Variants in TCF7L2 observed in about 807,000 individuals in gnomAD.
The protein encoded by TCF7L2 is transcription factor 7-like 2.
A neutral mutation model predicts 77.9 loss-of-function variants in TCF7L2; 23 were observed. The observed-to-expected ratio is 0.30, with a 90% confidence interval of 0.21 to 0.42. The LOEUF is 0.42. Ranked by LOEUF, TCF7L2 falls within the 10% of genes least tolerant of loss-of-function variation. The pLI is 1.00. For missense variants in TCF7L2, 654 were observed against 793.1 expected, an observed-to-expected ratio of 0.82 and a Z score of 2.11; for synonymous variants, 413 against 340.2, an observed-to-expected ratio of 1.21 and a Z score of -2.36.
intron 3 of TCF7L2, among the ~76,000 whole-genome samples, chr10:112,962,061 G>A (rs2035403865): frequency 6.6e-6 from 1 of 152,128 alleles, no homozygotes; most frequent in South Asian, 2.1e-4. Flanking sequence ...ATGAAGGCAA[G>A]GATTAAGAAC....
At chr10:113,165,499 C>A (rs2137640101) in intron 13 of TCF7L2, 56 bp from the exon 15 acceptor site, 1 of 1,582,250 alleles carries the variant, frequency 6.3e-7, no homozygotes, top group Non-Finnish European at 8.6e-7. Flanking sequence ...TTAGGTAACT[C>A]TCTCCCTTGG....
chr10:113,045,339 G>A (rs2053246570), intron 5 of TCF7L2, among the ~76,000 whole-genome samples: 2 of 152,180 alleles, frequency 1.3e-5, no homozygotes, highest in African/African-American at 4.8e-5. Flanking sequence ...GTGGGGATTT[G>A]CCCAGTCGTG....
chr10:113,036,113 CACCAT>C (rs1564810717), intron 4 of TCF7L2, among the ~76,000 whole-genome samples: 24 of 111,538 alleles, frequency 2.2e-4, no homozygotes, highest in East Asian at 1.1e-3. Context: ...TCATCATCAT[CACCAT>C]CATCATCATC....
intron 5 of TCF7L2, among the ~76,000 whole-genome samples, chr10:113,095,100 C>A (rs2060810421): frequency 6.6e-6 from 1 of 152,076 alleles, no homozygotes; most frequent in Non-Finnish European, 1.5e-5. Context: ...AGCAAGACTC[C>A]ATCTCAAAAA....
At chr10:113,156,115 CTTTTTTTTTTT>C (rs35516476) in intron 11 of TCF7L2, among the ~76,000 whole-genome samples, 1 of 120,746 alleles carries the variant, frequency 8.3e-6, no homozygotes, top group Non-Finnish European at 1.8e-5. Context: ...TTCTTTCTTT[CTTTTTTTTTTT>C]TTTTTTTGAG....
In TCF7L2 at chr10:113,166,233, G is replaced by A. The variant is rs1394572188; in HGVS notation, c.*261G>A. On this transcript the variant is annotated 3_prime_UTR_variant, in exon 14 of 14. Coordinates refer to ENST00000627217, the MANE Select transcript of TCF7L2 (RefSeq NM_001146274.2). ...TCAACAGCTGTTTAAAGTCTTTGTA[G>A]CGTTTAAAAAATATATATATATACA... is the stretch of plus-strand genomic sequence containing the variant. 2 of 337,078 alleles carry A rather than the reference G, an allele frequency of 5.9e-6. No individual in the cohort carries two copies. The highest frequency in any genetic ancestry group is 1.1e-5 in the Non-Finnish European group (2 of 188,916). 20.9% of individuals were successfully genotyped at this position (337,078 alleles called of 1,614,324 possible).
chr10:112,967,110 G>A (rs1245762635), intron 4 of TCF7L2, among the ~76,000 whole-genome samples: 2 of 152,208 alleles, frequency 1.3e-5, no homozygotes, highest in Non-Finnish European at 2.9e-5. Flanking sequence ...AAATGAAATT[G>A]TTCCCAAAGT....
intron 2 of TCF7L2, 52 bp from the exon 3 acceptor site, chr10:112,951,431 C>G (rs1300086071): frequency 5.2e-6 from 7 of 1,346,878 alleles, no homozygotes; most frequent in East Asian, 4.7e-5. Context: ...TCTCCTCACT[C>G]TCTCCCGCTC....
chr10:112,951,455 C>G (rs550814377), intron 2 of TCF7L2, 28 bp from the exon 3 acceptor site: 22 of 1,395,868 alleles, frequency 1.6e-5, no homozygotes, highest in Non-Finnish European at 2.0e-5. Flanking sequence ...GCGGCCGCCG[C>G]TGTCCCCTCG....
At chr10:112,957,886 C>T (rs148287714) in intron 3 of TCF7L2, among the ~76,000 whole-genome samples, 25 of 152,292 alleles carry the variant, frequency 1.6e-4, no homozygotes, top group Admixed American at 7.2e-4. Flanking sequence ...AAACTGACTA[C>T]GCGGTATAAG....
At chr10:113,132,086 G>A (rs2066692783) in intron 5 of TCF7L2, 1 of 152,246 alleles carries the variant, frequency 6.6e-6, no homozygotes, top group Non-Finnish European at 1.5e-5. Flanking sequence ...ACGGAACAAT[G>A]CAGTTCTGCC....
intron 3 of TCF7L2, among the ~76,000 whole-genome samples, chr10:112,953,955 C>T (rs1357387341): frequency 6.6e-6 from 1 of 152,200 alleles, no homozygotes; most frequent in African/African-American, 2.4e-5. Flanking sequence ...TTCGTCCTTC[C>T]TCCCTGTTAC....
chr10:113,165,869 C>A lies in TCF7L2; in HGVS notation c.1706C>A (p.Ser569Tyr), dbSNP rs147059345. Reference sequence around the variant, plus strand: ...GCCGCTTTGCAGCCTGCCGCCCCCTCCTCATCAATTGCACAGCCGTCGACT... The same window carrying A: ...GCCGCTTTGCAGCCTGCCGCCCCCTACTCATCAATTGCACAGCCGTCGACT... The change falls in exon 14 of 14, where the codon TCC becomes TAC. Residue 569 changes from serine (S) to tyrosine (Y), a missense_variant. Physicochemically the swap from Ser to Tyr is moderately radical, Grantham distance 144. Around this residue, in one of 6 missense-constraint regions of TCF7L2, gnomAD observed 272 missense variants for 215.4 expected, o/e 1.26. Coordinates refer to ENST00000627217, the MANE Select transcript of TCF7L2 (RefSeq NM_001146274.2). The A allele has an allele frequency of 6.2e-7, 1 of 1,607,368 alleles. No individual in the cohort carries two copies. Among genetic ancestry groups the A allele is most frequent in the Non-Finnish European group, 8.5e-7 (1 of 1,175,734 alleles).
intron 5 of TCF7L2, among the ~76,000 whole-genome samples, chr10:113,083,259 G>C (rs867138235): frequency 1.4e-5 from 2 of 143,364 alleles, no homozygotes; most frequent in African/African-American, 2.6e-5. Flanking sequence ...TATACTGATA[G>C]ACACACACAC....
Position 113,090,971 on chromosome 10 carries a change from G to A in TCF7L2, c.553-50213G>A, listed in dbSNP as rs548080456. On this transcript the variant is annotated intron_variant, in intron 5 of 13. Coordinates refer to ENST00000627217, the MANE Select transcript of TCF7L2 (RefSeq NM_001146274.2). ...CTTCCAGGCTGGAGTGTGTGATCTT[G>A]GCTCACTGTGACCTCCGCCTGCCAG... Among the ~76,000 whole-genome samples the A allele has an allele frequency of 2.5e-4, 38 of 151,458 alleles. No individual in the cohort carries two copies. The South Asian group carries it at 8.0e-3, about 32-fold the overall frequency.
chr10:113,011,236 A>G (rs1348946075), intron 4 of TCF7L2, among the ~76,000 whole-genome samples: 1 of 152,176 alleles, frequency 6.6e-6, no homozygotes, highest in African/African-American at 2.4e-5. Flanking sequence ...AGAGCTTAGG[A>G]AAGGGCATCC....
chr10:113,034,079 A>G (rs1394437058), intron 4 of TCF7L2, among the ~76,000 whole-genome samples: 2 of 152,230 alleles, frequency 1.3e-5, no homozygotes, highest in Non-Finnish European at 2.9e-5. Context: ...TGAATTTTCC[A>G]TCGTCCATTT....
At chr10:113,103,530 A>G (rs1207171439) in intron 5 of TCF7L2, among the ~76,000 whole-genome samples, 2 of 152,158 alleles carry the variant, frequency 1.3e-5, no homozygotes, top group Non-Finnish European at 2.9e-5. Context: ...TAAAGAGGAA[A>G]GTCTGCTTTG....
At chr10:112,973,484 A>C (rs1289921153) in intron 4 of TCF7L2, among the ~76,000 whole-genome samples, 1 of 152,194 alleles carries the variant, frequency 6.6e-6, no homozygotes, top group South Asian at 2.1e-4. Flanking sequence ...CATCTGGTCT[A>C]GGGGATCCTG....
Sources: allele counts gnomAD v4.1 joint callset (sites outside exome capture counted in the v4.1 genomes callset), GRCh38; gene constraint gnomAD v4.1.1; regional missense constraint gnomAD v4.1.1; transcripts MANE v1.5; gene names NCBI Gene and HGNC (gene_info 2026-07-23, HGNC 2026-07-21).